The following TDRD3 variants were observed in gnomAD, a reference collection of about 807,000 sequenced individuals.
The protein encoded by TDRD3 is tudor domain-containing protein 3.
Under a neutral mutation model 86.7 loss-of-function variants are expected in TDRD3, and 45 were observed. That is an observed-to-expected ratio of 0.52 (90% CI 0.41 to 0.67). TDRD3 has a LOEUF of 0.67. TDRD3 is among the 30% of genes least tolerant of loss of function. The pLI is 0.00. For missense variants in TDRD3, 814 were observed against 889.0 expected, an observed-to-expected ratio of 0.92 and a Z score of 1.07; for synonymous variants, 298 against 301.7, an observed-to-expected ratio of 0.99 and a Z score of 0.13.
At chr13:60,488,980 A>G (rs1390605615) in intron 7 of TDRD3, among the ~76,000 whole-genome samples, 3 of 152,092 alleles carry the variant, frequency 2.0e-5, no homozygotes, top group African/African-American at 2.4e-5. Flanking sequence ...ATAGTTTGCA[A>G]TTATTTTCCT....
chr13:60,491,771 G>GT (rs1956593223), intron 7 of TDRD3, among the ~76,000 whole-genome samples: 1 of 151,628 alleles, frequency 6.6e-6, no homozygotes, highest in Non-Finnish European at 1.5e-5. Flanking sequence ...CAAAATCTAT[G>GT]TGAGTTCTTT....
At chr13:60,534,350 A>G (rs1012167247) in intron 11 of TDRD3, among the ~76,000 whole-genome samples, 6 of 152,124 alleles carry the variant, frequency 3.9e-5, no homozygotes, top group African/African-American at 1.4e-4. Flanking sequence ...ATAAAATTAT[A>G]GTTATTAAGT....
chr13:60,406,789 C>G (rs886907783), intron 1 of TDRD3, among the ~76,000 whole-genome samples: 2 of 152,150 alleles, frequency 1.3e-5, no homozygotes, highest in Non-Finnish European at 2.9e-5. Flanking sequence ...TTAAAACACT[C>G]TTTATAAATT....
chr13:60,417,979 C>G (rs1378397635), intron 1 of TDRD3, among the ~76,000 whole-genome samples: 1 of 152,152 alleles, frequency 6.6e-6, no homozygotes, highest in Non-Finnish European at 1.5e-5. Flanking sequence ...GAGTAGCCTC[C>G]TGATTGGTCT....
intron 5 of TDRD3, among the ~76,000 whole-genome samples, chr13:60,481,221 G>A (rs1956308240): frequency 6.6e-6 from 1 of 152,122 alleles, no homozygotes; most frequent in African/African-American, 2.4e-5. Flanking sequence ...AACATGGTTG[G>A]TGTGCGTTTT....
At position 60,432,591 on chromosome 13, in the gene TDRD3, CTA is replaced by C. The variant is rs1954980970; in HGVS notation, c.42-7095_42-7094del. On this transcript the variant is annotated intron_variant, in intron 1 of 13. Coordinates refer to ENST00000377881, the MANE Select transcript of TDRD3 (RefSeq NM_001146070.2). ...GCAGGTGTATTACAATCAATTTACA[CTA>C]TGGAGAGAGAAACAGTTTAGGCAGA... Among the ~76,000 whole-genome samples the C allele has an allele frequency of 2.6e-5, 4 of 152,140 alleles. No homozygotes were observed. The South Asian group carries it at 8.3e-4, about 32-fold the overall frequency.
rs777213948 is a variant in TDRD3 at position 60,483,757 on chromosome 13, A to G, written c.496-18A>G. ...TTTTATGTATAACTGCTCTTTTGTG[A>G]CTGGATTTTTTCCGCAGAGCTTATC... On this transcript the variant is annotated intron_variant, in intron 5 of 13. Coordinates refer to ENST00000377881, the MANE Select transcript of TDRD3 (RefSeq NM_001146070.2). The G allele has an allele frequency of 1.0e-5, 16 of 1,598,218 alleles. No homozygotes were observed. In the African/African-American group the frequency reaches 2.2e-4, roughly 22 times the overall value.
intron 12 of TDRD3, chr13:60,536,254 C>G (rs1372672334): frequency 6.6e-6 from 1 of 151,828 alleles, no homozygotes; most frequent in Non-Finnish European, 1.5e-5. Flanking sequence ...TTATTTTTTG[C>G]CTTTTTGTTC....
intron 10 of TDRD3, among the ~76,000 whole-genome samples, chr13:60,514,964 C>T (rs1051148921): frequency 1.3e-5 from 2 of 151,988 alleles, no homozygotes; most frequent in Non-Finnish European, 2.9e-5. Flanking sequence ...TTTAAAATAC[C>T]TCATTCAGAA....
intron 3 of TDRD3, among the ~76,000 whole-genome samples, chr13:60,458,510 C>T (rs1427406446): frequency 6.6e-6 from 1 of 152,018 alleles, no homozygotes; most frequent in Non-Finnish European, 1.5e-5. Context: ...CTCCAGATAT[C>T]GAATATTGGT....
At chr13:60,548,680 C>T (rs1957983918) in intron 12 of TDRD3, among the ~76,000 whole-genome samples, 1 of 151,904 alleles carries the variant, frequency 6.6e-6, no homozygotes, top group South Asian at 2.1e-4. Flanking sequence ...AAATCAAATG[C>T]AAATTGAAAC....
rs1955047928 is a variant in TDRD3 at position 60,434,724 on chromosome 13, T to C, written c.42-4964T>C. 2.0e-5 allele frequency among the ~76,000 whole-genome samples: 3 copies of C among 152,234 alleles called. No individual in the cohort carries two copies. In the South Asian group the frequency reaches 6.2e-4, roughly 32 times the overall value. On this transcript the variant is annotated intron_variant, in intron 1 of 13. Transcript: ENST00000377881. ...AAAAAGTGTGCTTTTGCTGGCTGTTTTAGTAAACAAGAACCCTCTGGTGTC... is the reference window on the plus strand; with the variant it reads ...AAAAAGTGTGCTTTTGCTGGCTGTTCTAGTAAACAAGAACCCTCTGGTGTC...
chr13:60,561,863 T>TTTG (rs535474569), intron 12 of TDRD3, among the ~76,000 whole-genome samples: 3,713 of 117,328 alleles, frequency 0.032, 52 homozygotes, highest in African/African-American at 0.051. Context: ...GCCCAGGTTT[T>TTTG]TTGTTGTTGT....
intron 1 of TDRD3, among the ~76,000 whole-genome samples, chr13:60,423,913 C>T (rs1954728376): frequency 1.3e-5 from 2 of 152,074 alleles, no homozygotes; most frequent in South Asian, 4.1e-4. Context: ...AAAATAATAA[C>T]TATAAAAGCA....
chr13:60,442,928 A>C (rs1040164863), intron 2 of TDRD3, among the ~76,000 whole-genome samples: 5 of 152,032 alleles, frequency 3.3e-5, no homozygotes, highest in African/African-American at 1.2e-4. Context: ...CACTTGAATT[A>C]AATTTCATAA....
At chr13:60,466,675 C>G (rs1194989026) in intron 4 of TDRD3, among the ~76,000 whole-genome samples, 1 of 152,076 alleles carries the variant, frequency 6.6e-6, no homozygotes, top group Non-Finnish European at 1.5e-5. Context: ...GTAATCCCAG[C>G]TACTCGAAAG....
intron 10 of TDRD3, among the ~76,000 whole-genome samples, chr13:60,516,165 GTGTTT>G (rs1225458964): frequency 6.6e-6 from 1 of 152,122 alleles, no homozygotes; most frequent in African/African-American, 2.4e-5. Flanking sequence ...TCTTGCTTCT[GTGTTT>G]TGTATCAGCA....
intron 12 of TDRD3, among the ~76,000 whole-genome samples, chr13:60,547,817 G>A (rs1469342931): frequency 2.0e-5 from 3 of 152,178 alleles, no homozygotes; most frequent in Non-Finnish European, 4.4e-5. Context: ...TCACTATACA[G>A]AGTGGATTAT....
intron 12 of TDRD3, among the ~76,000 whole-genome samples, chr13:60,552,841 C>G (rs180701316): frequency 6.6e-6 from 1 of 152,330 alleles, no homozygotes; most frequent in East Asian, 1.9e-4. Flanking sequence ...AAGCCACAGC[C>G]CAAGTTGCAT....
Sources: gnomAD v4.1 joint callset for allele counts (sites outside exome capture counted in the v4.1 genomes callset) on GRCh38, gnomAD v4.1.1 for gene constraint, MANE v1.5 for transcripts, NCBI Gene and HGNC (gene_info 2026-07-23, HGNC 2026-07-21) for gene names.